UBAP2: variants seen among roughly 807,000 people sequenced by gnomAD.
UBAP2 encodes the protein ubiquitin-associated protein 2.
Under a neutral mutation model 139.6 loss-of-function variants are expected in UBAP2, and 75 were observed. The ratio of observed to expected loss-of-function variants is 0.54; its 90% CI spans 0.45 to 0.65. The LOEUF (loss-of-function observed/expected upper bound fraction) is 0.65, where lower values mean the gene tolerates loss of function less well. Among genes scored for constraint, UBAP2 ranks in the 30% least tolerant of loss-of-function variants. UBAP2 has a pLI of 0.00. For synonymous variants in UBAP2, 526 were observed against 526.2 expected (o/e 1.00, Z 0.01); for missense variants, 1,368 against 1,369.6 (o/e 1.00, Z 0.02).
chr9:34,039,847 TAAAAAAAAAA>T (rs74180526), intron 1 of UBAP2, among the ~76,000 whole-genome samples: 99 of 84,424 alleles, frequency 1.2e-3, no homozygotes, highest in African/African-American at 3.7e-3. Context: ...CAATAAATAC[TAAAAAAAAAA>T]AAAAAAAAAA....
intron 4 of UBAP2, among the ~76,000 whole-genome samples, chr9:33,991,319 A>G (rs898649270): frequency 6.6e-6 from 1 of 152,036 alleles, no homozygotes; most frequent in African/African-American, 2.4e-5. Flanking sequence ...TAATAATAAT[A>G]ACGTAAGAAT....
chr9:33,988,904 GGAGGCT>G (rs1179463206), intron 5 of UBAP2, 63 bp downstream of exon 5: 2 of 1,526,828 alleles, frequency 1.3e-6, no homozygotes, highest in Middle Eastern at 1.8e-4. Context: ...CAAAACTTTG[GGAGGCT>G]GAGGCGGGAG....
At chr9:33,926,892 A>C (rs1823482103) in intron 21 of UBAP2, 97 bp downstream of exon 21, 1 of 1,275,344 alleles carries the variant, frequency 7.8e-7, no homozygotes. Flanking sequence ...AGGGCAGCTC[A>C]AGGTGGGCAA....
At chr9:33,990,395 CTT>C (rs1272449172) in intron 4 of UBAP2, among the ~76,000 whole-genome samples, 3 of 152,152 alleles carry the variant, frequency 2.0e-5, no homozygotes, top group African/African-American at 7.2e-5. Context: ...CTTCCAAACT[CTT>C]TTTTTGAAAT....
rs1321390276 is a variant in UBAP2, at chr9:33,926,640, T to C, written c.2488A>G (p.Met830Val). Residue 830 changes from methionine to valine, a missense_variant, in exon 22 of 29, where the codon ATG becomes GTG. Met to Val is a conservative substitution (Grantham distance 21). Transcript: ENST00000379238. The part of the protein sequence containing the change: ...YPIYGYDELQ[M>V]LQSRLPVDYY... ...ACCACTGGCAGCCGTGACTGCAGCA[T>C]CTGGAGCTCGTCATAGCCATAGATC... The C allele has an allele frequency of 6.2e-7, 1 of 1,614,172 alleles. No homozygotes were observed. The highest frequency in any genetic ancestry group is 8.5e-7 in the Non-Finnish European group (1 of 1,180,016).
At chr9:33,951,373 A>G (rs2130966304) in intron 12 of UBAP2, among the ~76,000 whole-genome samples, 1 of 95,280 alleles carries the variant, frequency 1.0e-5, no homozygotes, top group Admixed American at 1.7e-4. Context: ...TTTGAGATAG[A>G]GTTTCTCTCG....
At chr9:33,977,591 T>C (rs1468733236) in intron 6 of UBAP2, among the ~76,000 whole-genome samples, 5 of 151,988 alleles carry the variant, frequency 3.3e-5, no homozygotes, top group African/African-American at 1.2e-4. Flanking sequence ...GAATAAACCA[T>C]ATTATGGTAA....
Position 33,953,909 on chromosome 9 carries a change from C to T in UBAP2, c.867-435G>A, listed in dbSNP as rs533563669. Among the ~76,000 whole-genome samples, 19 of 146,382 alleles carry T rather than the reference C, an allele frequency of 1.3e-4. No homozygotes were observed. In the East Asian group the frequency reaches 3.0e-3, roughly 23 times the overall value. ...GCAGTAAGCAATTCAATAAGTTTCA[C>T]TTTTTTTTTTTTTCTAAGACAGTGT... On this transcript the variant is annotated intron_variant, in intron 11 of 28. Coordinates refer to ENST00000379238, the MANE Select transcript of UBAP2 (RefSeq NM_001370062.2).
chr9:33,962,001 C>CA (rs1020600048), intron 9 of UBAP2, among the ~76,000 whole-genome samples: 4 of 152,090 alleles, frequency 2.6e-5, no homozygotes, highest in African/African-American at 9.7e-5. Context: ...ACAGATGTTT[C>CA]AAAACCGAAA....
At chr9:33,997,430 T>A (rs1490213126) in intron 3 of UBAP2, 1 of 152,206 alleles carries the variant, frequency 6.6e-6, no homozygotes, top group Non-Finnish European at 1.5e-5. Context: ...ACAAAGGTAA[T>A]TAATAGCAAA....
At chr9:33,951,678 G>A (rs1244702188) in intron 12 of UBAP2, among the ~76,000 whole-genome samples, 4 of 152,006 alleles carry the variant, frequency 2.6e-5, no homozygotes, top group Non-Finnish European at 5.9e-5. Flanking sequence ...GAGTAGGGTC[G>A]AGAACCACTG....
In UBAP2 at chr9:34,044,090, CAAAAAAAAA is replaced by C. The variant is rs74180528; in HGVS notation, c.-42+4726_-42+4734del. Among the ~76,000 whole-genome samples the C allele has an allele frequency of 5.3e-3, 450 of 85,168 alleles. 5 individuals carry two copies. Among genetic ancestry groups the C allele is most frequent in the African/African-American group, 0.022 (423 of 19,546 alleles). 55.9% of individuals were successfully genotyped at this position (85,168 alleles called of 152,430 possible). A position where few individuals can be genotyped will look rare whatever the true frequency, so the allele number is the denominator to read the frequency against. Reference sequence around the variant, plus strand: ...TGGGTGACAGAATGAAACTCCACCTCAAAAAAAAAAAAAAAAAAAAAAATTAGCCGGGCG... The same window carrying C: ...TGGGTGACAGAATGAAACTCCACCTCAAAAAAAAAAAAAATTAGCCGGGCG... On this transcript the variant is annotated intron_variant, in intron 1 of 28. Coordinates refer to ENST00000379238, the MANE Select transcript of UBAP2 (RefSeq NM_001370062.2).
Position 33,927,901 on chromosome 9 carries a change from G to A in UBAP2, c.2267C>T (p.Ala756Val), listed in dbSNP as rs307692. ...TSVSSSASSG[A>V]SLSSSMNTAN... ...GGTGTTCATGCTACTGGACAGGCTGGCGCCTGAGGATGCGGAACTTGAGAC... is the reference window on the plus strand; with the variant it reads ...GGTGTTCATGCTACTGGACAGGCTGACGCCTGAGGATGCGGAACTTGAGAC... Residue 756 changes from alanine (A) to valine (V), a missense_variant, in exon 20 of 29, where the codon GCC (alanine) becomes GTC (valine). Coordinates refer to ENST00000379238, the MANE Select transcript of UBAP2 (RefSeq NM_001370062.2). The A allele has an allele frequency of 1, 1,613,427 of 1,614,234 alleles. 806,314 individuals carry two copies. The highest frequency in any genetic ancestry group is 1 in the East Asian group (44,872 of 44,872).
intron 11 of UBAP2, among the ~76,000 whole-genome samples, chr9:33,955,296 G>A (rs936512473): frequency 2.2e-4 from 33 of 151,990 alleles, no homozygotes; most frequent in African/African-American, 6.8e-4. Flanking sequence ...CGAGGCTGGC[G>A]GATCACGAGG....
At chr9:34,048,524 GA>G (rs911003218) in intron 1 of UBAP2, among the ~76,000 whole-genome samples, 11 of 152,136 alleles carry the variant, frequency 7.2e-5, no homozygotes, top group Admixed American at 6.5e-4. Context: ...CTCCAGGGCA[GA>G]AACCCGAAAG....
intron 2 of UBAP2, among the ~76,000 whole-genome samples, chr9:34,007,744 T>C (rs1823361548): frequency 6.6e-6 from 1 of 150,800 alleles, no homozygotes; most frequent in South Asian, 2.1e-4. Flanking sequence ...ATTCACGCCA[T>C]TCTCCTGCCT....
At chr9:33,966,963 C>G (rs1233734263) in intron 8 of UBAP2, among the ~76,000 whole-genome samples, 1 of 151,932 alleles carries the variant, frequency 6.6e-6, no homozygotes, top group Non-Finnish European at 1.5e-5. Context: ...AATTCAAAGA[C>G]TGAGTCAGTA....
rs975082758 is a variant in UBAP2, at chr9:33,960,249, CTTGT to C, written c.798+573_798+576del. 4.3e-4 allele frequency among the ~76,000 whole-genome samples: 66 copies of C among 152,122 alleles called. 1 individual carries two copies. Among genetic ancestry groups the C allele is most frequent in the African/African-American group, 1.4e-3 (57 of 41,504 alleles). On this transcript the variant is annotated intron_variant, in intron 10 of 28. Transcript: ENST00000379238. ...CCAGCCTAACACCTCAACCTTTTTTCTTGTTTGTTTTTTTCCAATCTCCCAATCA... is the reference window on the plus strand; with the variant it reads ...CCAGCCTAACACCTCAACCTTTTTTCTTGTTTTTTTCCAATCTCCCAATCA...
Position 33,948,553 on chromosome 9 carries a change from G to A in UBAP2, c.1091C>T (p.Ala364Val). Reference protein sequence around the residue: ...SVLGSGFGELAPPKMANITSS... With the variant: ...SVLGSGFGELVPPKMANITSS... Reference sequence around the variant, plus strand: ...GGTGATGTTTGCCATTTTTGGTGGTGCAAGCTCTCCAAATCCTGAGCCAAG... The same window carrying A: ...GGTGATGTTTGCCATTTTTGGTGGTACAAGCTCTCCAAATCCTGAGCCAAG... Residue 364 changes from alanine to valine, a missense_variant, in exon 13 of 29, where the codon GCA becomes GTA. Physicochemically the swap from Ala to Val is moderately conservative, Grantham distance 64 (BLOSUM62 0). Transcript: ENST00000379238. The A allele has an allele frequency of 1.2e-6, 2 of 1,614,160 alleles. No individual in the cohort carries two copies. The highest frequency in any genetic ancestry group is 1.7e-6 in the Non-Finnish European group (2 of 1,180,020).
Sources: allele counts gnomAD v4.1 joint callset (sites outside exome capture counted in the v4.1 genomes callset), GRCh38; gene constraint gnomAD v4.1.1; transcripts MANE v1.5; gene names NCBI Gene and HGNC (gene_info 2026-07-23, HGNC 2026-07-21).